Variants in GUCY1A2 observed in about 807,000 individuals in gnomAD.
The protein encoded by GUCY1A2 is guanylate cyclase soluble subunit alpha-2.
A neutral mutation model predicts 63.5 loss-of-function variants in GUCY1A2; 27 were observed. That is an observed-to-expected ratio of 0.43 (90% CI 0.31 to 0.59). GUCY1A2 has a LOEUF of 0.59. Among genes scored for constraint, GUCY1A2 ranks in the 20% least tolerant of loss-of-function variants. The pLI is 0.11. For missense variants in GUCY1A2, 768 were observed against 913.3 expected, an observed-to-expected ratio of 0.84 and a Z score of 2.05; for synonymous variants, 364 against 343.5, an observed-to-expected ratio of 1.06 and a Z score of -0.66.
At chr11:106,812,792 T>G (rs1405999855) in intron 4 of GUCY1A2, among the ~76,000 whole-genome samples, 1 of 151,928 alleles carries the variant, frequency 6.6e-6, no homozygotes, top group Non-Finnish European at 1.5e-5. Flanking sequence ...AAACAGACCC[T>G]GAAGGAAGAA....
chr11:106,846,996 A>T (rs555820710), intron 4 of GUCY1A2, among the ~76,000 whole-genome samples: 8 of 151,602 alleles, frequency 5.3e-5, no homozygotes, highest in African/African-American at 1.9e-4. Context: ...AGGATTAGAT[A>T]TAAGAAAATA....
intron 6 of GUCY1A2, among the ~76,000 whole-genome samples, chr11:106,723,567 G>A (rs1565269531): frequency 6.6e-6 from 1 of 152,242 alleles, no homozygotes; most frequent in Admixed American, 6.5e-5. Context: ...GCTCACGCCT[G>A]TAATCCCATC....
chr11:106,827,561 G>C (rs545141639), intron 4 of GUCY1A2: 3 of 1,451,186 alleles, frequency 2.1e-6, no homozygotes, highest in East Asian at 2.3e-5. Context: ...CCAGCACACA[G>C]AGTTTCTTAT....
intron 4 of GUCY1A2, among the ~76,000 whole-genome samples, chr11:106,829,815 A>G (rs780141894): frequency 2.6e-5 from 4 of 152,184 alleles, no homozygotes; most frequent in Non-Finnish European, 5.9e-5. Flanking sequence ...TAGTATTACC[A>G]TGCCCTGTGA....
At chr11:106,921,662 C>T (rs562227644) in intron 4 of GUCY1A2, among the ~76,000 whole-genome samples, 269 of 152,072 alleles carry the variant, frequency 1.8e-3, no homozygotes, top group Middle Eastern at 3.4e-3. Flanking sequence ...AGTAATTTTA[C>T]CCCCTAGGGC....
chr11:106,975,106 A>G (rs1861245255), intron 3 of GUCY1A2, among the ~76,000 whole-genome samples: 1 of 152,178 alleles, frequency 6.6e-6, no homozygotes, highest in Non-Finnish European at 1.5e-5. Context: ...TAAAACTGAA[A>G]TAGTCATAAC....
intron 7 of GUCY1A2, among the ~76,000 whole-genome samples, chr11:106,693,133 T>G (rs557922605): frequency 6.6e-6 from 1 of 152,162 alleles, no homozygotes; most frequent in Non-Finnish European, 1.5e-5. Context: ...CAAGCGATAC[T>G]TGAAGGGCAA....
intron 4 of GUCY1A2, chr11:106,826,931 T>C (rs1409129463): frequency 6.2e-7 from 1 of 1,609,894 alleles, no homozygotes; most frequent in Non-Finnish European, 8.5e-7. Flanking sequence ...GGTTCTATAT[T>C]CGGTGTAACT....
intron 6 of GUCY1A2, among the ~76,000 whole-genome samples, chr11:106,764,747 T>C (rs1266370702): frequency 6.6e-6 from 1 of 152,046 alleles, no homozygotes; most frequent in Admixed American, 6.6e-5. Flanking sequence ...TAACTCTTGT[T>C]ATTAAGTACT....
chr11:106,756,834 C>T (rs534119286), intron 6 of GUCY1A2, among the ~76,000 whole-genome samples: 1 of 152,192 alleles, frequency 6.6e-6, no homozygotes, highest in East Asian at 1.9e-4. Context: ...CTTGGGGTTG[C>T]TCTTCTCGAG....
intron 4 of GUCY1A2, among the ~76,000 whole-genome samples, chr11:106,900,374 G>A (rs1340403067): frequency 1.3e-5 from 2 of 152,050 alleles, no homozygotes; most frequent in African/African-American, 4.8e-5. Context: ...TGTAGAGACG[G>A]GGTTTTGCCA....
At chr11:106,689,151 A>G (rs754282243) in intron 7 of GUCY1A2, among the ~76,000 whole-genome samples, 4 of 152,212 alleles carry the variant, frequency 2.6e-5, no homozygotes, top group Non-Finnish European at 5.9e-5. Context: ...ACAATCAATT[A>G]TGAGTATCTC....
intron 4 of GUCY1A2, among the ~76,000 whole-genome samples, chr11:106,853,484 G>C (rs1163608025): frequency 2.0e-5 from 3 of 151,854 alleles, no homozygotes; most frequent in African/African-American, 7.3e-5. Flanking sequence ...GAATTCTTCA[G>C]TTCTACAATT....
At chr11:106,742,493 A>T (rs1863712273) in intron 6 of GUCY1A2, among the ~76,000 whole-genome samples, 1 of 150,148 alleles carries the variant, frequency 6.7e-6, no homozygotes, top group Non-Finnish European at 1.5e-5. Context: ...TCCAGGAACC[A>T]TCTGTGTCCC....
chr11:106,692,936 A>G (rs1862650958), intron 7 of GUCY1A2, among the ~76,000 whole-genome samples: 1 of 152,256 alleles, frequency 6.6e-6, no homozygotes, highest in South Asian at 2.1e-4. Context: ...GCGGCAGACT[A>G]GTATATATAG....
intron 1 of GUCY1A2, among the ~76,000 whole-genome samples, chr11:107,008,697 C>T (rs1005851348): frequency 6.6e-6 from 1 of 152,018 alleles, no homozygotes; most frequent in African/African-American, 2.4e-5. Context: ...AATCAAGGTA[C>T]AATACAATAA....
rs569983566 is a variant in GUCY1A2, at chr11:106,921,675, T to C, written c.1206+17785A>G. Among the ~76,000 whole-genome samples, 19 of 152,234 alleles carry C rather than the reference T, an allele frequency of 1.2e-4. No individual in the cohort carries two copies. In the East Asian group the frequency reaches 3.5e-3, roughly 28 times the overall value. On this transcript the variant is annotated intron_variant, in intron 4 of 7. Transcript: ENST00000526355. ...ATAGTAATTTTACCCCCTAGGGCTG[T>C]TGGAAAGAGTAAATAAAACTGTGTC...
At chr11:106,881,257 T>G (rs767140245) in intron 4 of GUCY1A2, among the ~76,000 whole-genome samples, 6 of 152,088 alleles carry the variant, frequency 3.9e-5, no homozygotes, top group Non-Finnish European at 7.4e-5. Context: ...ATATAAACAT[T>G]AGCCACACTC....
At chr11:106,721,282 C>T (rs1205743639) in intron 6 of GUCY1A2, among the ~76,000 whole-genome samples, 1 of 152,150 alleles carries the variant, frequency 6.6e-6, no homozygotes, top group East Asian at 1.9e-4. Flanking sequence ...TACTCTCAAA[C>T]TCGCGGCCTC....
Sources: allele counts gnomAD v4.1 joint callset (sites outside exome capture counted in the v4.1 genomes callset), GRCh38; gene constraint gnomAD v4.1.1; transcripts MANE v1.5; gene names NCBI Gene and HGNC (gene_info 2026-07-23, HGNC 2026-07-21).